LDB2: variants seen among roughly 807,000 people sequenced by gnomAD.
LDB2 encodes the protein LIM domain binding 2, also known as LIM domain-binding protein 2.
LDB2 carries 12 observed loss-of-function variants against 44.3 expected under a neutral mutation model. The observed-to-expected ratio is 0.27, with a 90% CI of 0.17 to 0.44. The LOEUF (loss-of-function observed/expected upper bound fraction) is 0.44, where lower values mean the gene tolerates loss of function less well. Ranked by LOEUF, LDB2 falls within the 20% of genes least tolerant of loss-of-function variation. The probability of loss-of-function intolerance (pLI) is 1.00; values close to 1 mark genes in which losing one functional copy is unlikely to be tolerated. For synonymous variants in LDB2, 164 were observed against 174.8 expected, an observed-to-expected ratio of 0.94 and a Z score of 0.49; for missense variants, 344 against 473.5, an observed-to-expected ratio of 0.73 and a Z score of 2.54.
intron 2 of LDB2, among the ~76,000 whole-genome samples, chr4:16,607,197 C>A (rs1045845891): frequency 6.6e-6 from 1 of 152,240 alleles, no homozygotes; most frequent in Non-Finnish European, 1.5e-5. Flanking sequence ...CTCTCCCCCA[C>A]ACCCTTTTCT....
At chr4:16,876,424 T>C (rs1008996561) in intron 1 of LDB2, among the ~76,000 whole-genome samples, 5 of 152,306 alleles carry the variant, frequency 3.3e-5, no homozygotes, top group African/African-American at 9.6e-5. Flanking sequence ...GTTTAAAAGA[T>C]AAAGAGTTGC....
chr4:16,793,196 A>T (rs1776111359), intron 1 of LDB2, among the ~76,000 whole-genome samples: 1 of 152,222 alleles, frequency 6.6e-6, no homozygotes, highest in African/African-American at 2.4e-5. Context: ...GAAAATTGGT[A>T]TACGCGTTGC....
chr4:16,611,507 G>A (rs1161073531), intron 2 of LDB2, among the ~76,000 whole-genome samples: 4 of 146,378 alleles, frequency 2.7e-5, no homozygotes, highest in Admixed American at 2.1e-4. Context: ...CAAAATGAAG[G>A]GAGGGAGGAA....
chr4:16,674,998 G>C (rs1745902266), intron 2 of LDB2, among the ~76,000 whole-genome samples: 1 of 152,104 alleles, frequency 6.6e-6, no homozygotes, highest in South Asian at 2.1e-4. Context: ...TGAACACTGG[G>C]ATATTCAAAT....
At chr4:16,508,510 G>A (rs758532533) in intron 7 of LDB2, 25 bp downstream of exon 7, 2 of 1,527,062 alleles carry the variant, frequency 1.3e-6, no homozygotes, top group East Asian at 2.4e-5. Flanking sequence ...TAGGATTTCG[G>A]GCCTAAGAGG....
At chr4:16,521,006 C>T (rs1725875149) in intron 5 of LDB2, among the ~76,000 whole-genome samples, 1 of 152,180 alleles carries the variant, frequency 6.6e-6, no homozygotes, top group Non-Finnish European at 1.5e-5. Flanking sequence ...CTCTTCCTTC[C>T]AGCTCTGCAT....
intron 1 of LDB2, among the ~76,000 whole-genome samples, chr4:16,832,867 A>G (rs207709): frequency 0.36 from 54,140 of 152,098 alleles, 10,568 homozygotes; most frequent in East Asian, 0.61. Flanking sequence ...TCACATTCCT[A>G]GAAAGCAAAA....
At chr4:16,680,549 G>A (rs1208862426) in intron 2 of LDB2, among the ~76,000 whole-genome samples, 1 of 152,192 alleles carries the variant, frequency 6.6e-6, no homozygotes. Context: ...CCCTTACAAA[G>A]ATCCCCTGGA....
intron 2 of LDB2, among the ~76,000 whole-genome samples, chr4:16,685,361 A>G (rs1748963939): frequency 6.6e-6 from 1 of 152,018 alleles, no homozygotes; most frequent in African/African-American, 2.4e-5. Context: ...GATACCTTTT[A>G]CATCTCTCAA....
chr4:16,569,314 A>T (rs1745587583), intron 5 of LDB2, among the ~76,000 whole-genome samples: 1 of 152,232 alleles, frequency 6.6e-6, no homozygotes, highest in South Asian at 2.1e-4. Flanking sequence ...GCATGATTGA[A>T]CGGAAAAGGG....
chr4:16,736,168 C>T (rs1761876050), intron 2 of LDB2, among the ~76,000 whole-genome samples: 1 of 152,220 alleles, frequency 6.6e-6, no homozygotes. Flanking sequence ...CCTCTCTCCA[C>T]ATTCTCTATC....
chr4:16,895,882 C>T (rs541048753), intron 1 of LDB2, among the ~76,000 whole-genome samples: 2 of 151,912 alleles, frequency 1.3e-5, no homozygotes, highest in South Asian at 2.1e-4. Context: ...TTTCAAGGTA[C>T]ATACATCATG....
At chr4:16,743,702 A>C (rs1268316995) in intron 2 of LDB2, among the ~76,000 whole-genome samples, 1 of 152,026 alleles carries the variant, frequency 6.6e-6, no homozygotes, top group Admixed American at 6.6e-5. Context: ...GTTAATAGCC[A>C]GAAAAAAAAA....
At chr4:16,656,164 T>G (rs1459887141) in intron 2 of LDB2, among the ~76,000 whole-genome samples, 1 of 152,150 alleles carries the variant, frequency 6.6e-6, no homozygotes, top group Non-Finnish European at 1.5e-5. Flanking sequence ...CCTCCCAAAG[T>G]GCTGGGATTA....
intron 3 of LDB2, 140 bp downstream of exon 3, chr4:16,595,563 C>G (rs1023432395): frequency 6.4e-5 from 44 of 691,848 alleles, no homozygotes; most frequent in Non-Finnish European, 8.8e-5. Flanking sequence ...ATGTCACAAA[C>G]AAGAAAGATT....
intron 1 of LDB2, among the ~76,000 whole-genome samples, chr4:16,891,304 CTTTTTTTTTT>C (rs559119712): frequency 1.3e-5 from 1 of 77,548 alleles, no homozygotes; most frequent in Non-Finnish European, 2.4e-5. Context: ...CTTAAGTATT[CTTTTTTTTTT>C]TTTTTTTTTT....
chr4:16,693,010 T>C (rs1751167831), intron 2 of LDB2, among the ~76,000 whole-genome samples: 1 of 152,188 alleles, frequency 6.6e-6, no homozygotes, highest in Admixed American at 6.5e-5. Context: ...CTAGCTATTT[T>C]TAGAGTGGGA....
chr4:16,705,999 G>C (rs1037617645), intron 2 of LDB2, among the ~76,000 whole-genome samples: 2 of 152,028 alleles, frequency 1.3e-5, no homozygotes, highest in African/African-American at 4.8e-5. Context: ...GGCAAATCTT[G>C]TGGATAATAG....
intron 2 of LDB2, among the ~76,000 whole-genome samples, chr4:16,677,970 T>C (rs980075515): frequency 6.6e-6 from 1 of 152,242 alleles, no homozygotes; most frequent in Non-Finnish European, 1.5e-5. Flanking sequence ...GACACCTAAG[T>C]GTGTAGACCG....
Sources: allele counts gnomAD v4.1 joint callset (sites outside exome capture counted in the v4.1 genomes callset), GRCh38; gene constraint gnomAD v4.1.1; transcripts MANE v1.5; gene names NCBI Gene and HGNC (gene_info 2026-07-23, HGNC 2026-07-21).